The following RAPGEF5 variants were observed in gnomAD, a reference collection of about 807,000 sequenced individuals.
RAPGEF5 encodes the protein M-Ras-regulated GEF.
Under a neutral mutation model 125.2 loss-of-function variants are expected in RAPGEF5, and 65 were observed. The ratio of observed to expected loss-of-function variants is 0.52; its 90% CI spans 0.43 to 0.64. The LOEUF (loss-of-function observed/expected upper bound fraction) is 0.64, where lower values mean the gene tolerates loss of function less well. Among genes scored for constraint, RAPGEF5 ranks in the 30% least tolerant of loss-of-function variants. The pLI, the probability that RAPGEF5 is intolerant of heterozygous loss-of-function variation, is 0.00. For synonymous variants in RAPGEF5, 391 were observed against 385.9 expected, an observed-to-expected ratio of 1.01 and a Z score of -0.16; for missense variants, 958 against 1,048.1, an observed-to-expected ratio of 0.91 and a Z score of 1.19.
intron 7 of RAPGEF5, among the ~76,000 whole-genome samples, chr7:22,265,548 G>A (rs181295859): frequency 4.6e-5 from 7 of 152,162 alleles, no homozygotes; most frequent in Middle Eastern, 3.4e-3. Context: ...TGTGAACAGC[G>A]CTGCAATAAA....
chr7:22,218,387 T>C (rs1463316982), intron 9 of RAPGEF5, among the ~76,000 whole-genome samples: 1 of 152,184 alleles, frequency 6.6e-6, no homozygotes, highest in Non-Finnish European at 1.5e-5. Flanking sequence ...GATCTTACCA[T>C]ACCTGAAGTT....
intron 7 of RAPGEF5, among the ~76,000 whole-genome samples, chr7:22,252,299 C>T (rs1786643667): frequency 6.6e-6 from 1 of 152,130 alleles, no homozygotes; most frequent in Admixed American, 6.5e-5. Context: ...TCAGTTCTTC[C>T]CAGGATCAAA....
chr7:22,245,949 C>A (rs915247911), intron 7 of RAPGEF5, among the ~76,000 whole-genome samples: 2 of 151,912 alleles, frequency 1.3e-5, no homozygotes, highest in African/African-American at 4.8e-5. Flanking sequence ...TCAGGAAGAG[C>A]GCCAAATCAA....
chr7:22,156,703 G>C, intron 16 of RAPGEF5, 107 bp downstream of exon 16: 4 of 1,550,628 alleles, frequency 2.6e-6, no homozygotes, highest in Non-Finnish European at 3.5e-6. Context: ...CTTATCTGAG[G>C]GGTGACAGCT....
rs1784187760 is a variant in RAPGEF5, at chr7:22,166,971, C to T, written c.1283+99G>A. The T allele has an allele frequency of 5.3e-6, 5 of 937,720 alleles. No individual in the cohort carries two copies. In the East Asian group the frequency reaches 1.3e-4, roughly 24 times the overall value. The allele number at this position is 937,720 out of a possible 1,614,324, so 58.1% of individuals were successfully genotyped here. A position where few individuals can be genotyped will look rare whatever the true frequency, so the allele number is the denominator to read the frequency against. On this transcript the variant is annotated intron_variant, in intron 12 of 25. Transcript: ENST00000665637. ...TAATATTTAACATATCCACATTCTA[C>T]TATGGGGTTGAATAAATTAAGGAAG...
At chr7:22,213,164 T>C (rs1400720483) in intron 9 of RAPGEF5, among the ~76,000 whole-genome samples, 1 of 152,192 alleles carries the variant, frequency 6.6e-6, no homozygotes, top group African/African-American at 2.4e-5. Context: ...TTTTTAAAAA[T>C]GTTAGGACTT....
intron 25 of RAPGEF5, among the ~76,000 whole-genome samples, chr7:22,124,533 G>T (rs2128096974): frequency 1.3e-5 from 2 of 152,242 alleles, no homozygotes; most frequent in Middle Eastern, 6.8e-3. Context: ...TTTGTTGGGG[G>T]ACAATATTGC....
chr7:22,118,993 T>C lies in RAPGEF5; in HGVS notation c.*3413A>G, dbSNP rs1782492113. 7.0e-6 allele frequency: 1 copy of C among 142,176 alleles called. No homozygotes were observed. The highest frequency in any genetic ancestry group is 1.5e-5 in the Non-Finnish European group (1 of 66,656). The allele number at this position is 142,176 out of a possible 1,614,324, so 8.8% of individuals were successfully genotyped here. A position where few individuals can be genotyped will look rare whatever the true frequency, so the allele number is the denominator to read the frequency against. On this transcript the variant is annotated 3_prime_UTR_variant, in exon 26 of 26. Transcript: ENST00000665637. ...TTTTTGAAACATTTAAAAGAAATCCTGTGTTGGACCACTGCGGAAGACCCG... is the reference window on the plus strand; with the variant it reads ...TTTTTGAAACATTTAAAAGAAATCCCGTGTTGGACCACTGCGGAAGACCCG...
chr7:22,140,520 C>T (rs1783223537), intron 20 of RAPGEF5, among the ~76,000 whole-genome samples: 1 of 152,154 alleles, frequency 6.6e-6, no homozygotes, highest in Non-Finnish European at 1.5e-5. Flanking sequence ...ACAAGCCCTT[C>T]TCACCCCACA....
chr7:22,136,557 A>G (rs1333840472), intron 22 of RAPGEF5, among the ~76,000 whole-genome samples: 2 of 152,200 alleles, frequency 1.3e-5, no homozygotes, highest in Non-Finnish European at 1.5e-5. Flanking sequence ...AAGAAACTAT[A>G]ATTTTTAAAA....
intron 1 of RAPGEF5, among the ~76,000 whole-genome samples, chr7:22,326,161 G>A (rs1783810804): frequency 1.3e-5 from 2 of 152,052 alleles, no homozygotes; most frequent in African/African-American, 4.8e-5. Flanking sequence ...GATAGTGTAG[G>A]GTCTTCTGAT....
At chr7:22,129,691 A>T (rs1782854838) in intron 24 of RAPGEF5, among the ~76,000 whole-genome samples, 1 of 152,210 alleles carries the variant, frequency 6.6e-6, no homozygotes, top group African/African-American at 2.4e-5. Flanking sequence ...CTGAGCTCTG[A>T]TTCCAAAACA....
At chr7:22,326,151 G>A (rs1220652926) in intron 1 of RAPGEF5, among the ~76,000 whole-genome samples, 1 of 152,164 alleles carries the variant, frequency 6.6e-6, no homozygotes, top group African/African-American at 2.4e-5. Context: ...ATAAAGGTGT[G>A]ATAGTGTAGG....
At chr7:22,142,393 C>A (rs553761756) in intron 20 of RAPGEF5, among the ~76,000 whole-genome samples, 1 of 152,122 alleles carries the variant, frequency 6.6e-6, no homozygotes, top group Non-Finnish European at 1.5e-5. Context: ...GTCTATTATT[C>A]TACGTTTTAT....
chr7:22,215,863 A>G lies in RAPGEF5; in HGVS notation c.996+4003T>C, dbSNP rs569028322. 7.2e-5 allele frequency among the ~76,000 whole-genome samples: 11 copies of G among 152,328 alleles called. No individual in the cohort carries two copies. In the South Asian group the frequency reaches 2.3e-3, roughly 32 times the overall value. On this transcript the variant is annotated intron_variant, in intron 9 of 25. Transcript: ENST00000665637. ...GTGTTTGCCAGAACCCCACCTAACAATCTGTCAGTGAGATAAATACTAACA... is the reference window on the plus strand; with the variant it reads ...GTGTTTGCCAGAACCCCACCTAACAGTCTGTCAGTGAGATAAATACTAACA...
intron 1 of RAPGEF5, among the ~76,000 whole-genome samples, chr7:22,335,708 C>T (rs1013218082): frequency 4.5e-5 from 3 of 66,688 alleles, no homozygotes; most frequent in Non-Finnish European, 1.0e-4. Flanking sequence ...AAAAAAACAA[C>T]AAAACAACAA....
chr7:22,352,887 A>G (rs557210656), intron 1 of RAPGEF5, among the ~76,000 whole-genome samples: 3 of 152,202 alleles, frequency 2.0e-5, no homozygotes, highest in Admixed American at 6.5e-5. Context: ...ACCCCTAATG[A>G]AAAGGATCTA....
chr7:22,287,360 T>C (rs1241147494), intron 6 of RAPGEF5, among the ~76,000 whole-genome samples: 11 of 152,230 alleles, frequency 7.2e-5, no homozygotes, highest in African/African-American at 9.6e-5. Flanking sequence ...GTGTATCCTC[T>C]TCCAGAGTAA....
chr7:22,346,517 G>C (rs564483031), intron 1 of RAPGEF5, among the ~76,000 whole-genome samples: 22 of 152,216 alleles, frequency 1.4e-4, no homozygotes, highest in African/African-American at 5.3e-4. Flanking sequence ...GTGATAAGCT[G>C]TTCACTTCCC....
Sources: gnomAD v4.1 joint callset for allele counts (sites outside exome capture counted in the v4.1 genomes callset) on GRCh38, gnomAD v4.1.1 for gene constraint, MANE v1.5 for transcripts, NCBI Gene and HGNC (gene_info 2026-07-23, HGNC 2026-07-21) for gene names.